DENND1B: variants seen among roughly 807,000 people sequenced by gnomAD.
The protein encoded by DENND1B is DENN domain-containing protein 1B.
DENND1B carries 59 observed loss-of-function variants against 90.1 expected under a neutral mutation model. The observed-to-expected ratio is 0.65, with a 90% CI of 0.53 to 0.81. The LOEUF (loss-of-function observed/expected upper bound fraction) is 0.81. Ranked by LOEUF, DENND1B falls within the 40% of genes least tolerant of loss-of-function variation. DENND1B has a pLI of 0.00. For missense variants in DENND1B, 862 were observed against 912.6 expected (o/e 0.94, Z 0.71); for synonymous variants, 337 against 324.6 (o/e 1.04, Z -0.41).
At chr1:197,761,606 C>G (rs1293570435) in intron 2 of DENND1B, among the ~76,000 whole-genome samples, 2 of 151,760 alleles carry the variant, frequency 1.3e-5, no homozygotes, top group African/African-American at 4.8e-5. Context: ...TTATAACTAC[C>G]CACGTGATAA....
chr1:197,556,175 G>T (rs1671699253), intron 15 of DENND1B, among the ~76,000 whole-genome samples: 1 of 152,006 alleles, frequency 6.6e-6, no homozygotes, highest in Non-Finnish European at 1.5e-5. Context: ...ACAAAGATGG[G>T]AACTATAAAC....
chr1:197,703,597 C>T (rs1416627009), intron 3 of DENND1B, among the ~76,000 whole-genome samples: 2 of 152,126 alleles, frequency 1.3e-5, no homozygotes, highest in Non-Finnish European at 2.9e-5. Flanking sequence ...TGGTCTTGAA[C>T]ATGAGCACAC....
At chr1:197,656,925 T>G (rs901545138) in intron 6 of DENND1B, among the ~76,000 whole-genome samples, 2 of 152,090 alleles carry the variant, frequency 1.3e-5, no homozygotes, top group Non-Finnish European at 2.9e-5. Context: ...AAGAAAAGCA[T>G]AAAGACTTTT....
intron 10 of DENND1B, among the ~76,000 whole-genome samples, chr1:197,628,555 C>T (rs1031184591): frequency 1.3e-5 from 2 of 152,100 alleles, no homozygotes; most frequent in African/African-American, 4.8e-5. Context: ...AAACGTTAGA[C>T]CTAAAACCAT....
intron 2 of DENND1B, among the ~76,000 whole-genome samples, chr1:197,739,083 C>CTG (rs1232648383): frequency 6.6e-6 from 1 of 152,174 alleles, no homozygotes; most frequent in Admixed American, 6.5e-5. Context: ...TATGAGGAAA[C>CTG]TACCAGACAC....
At chr1:197,652,370 A>C (rs1475237279) in intron 6 of DENND1B, 55 bp from the exon 7 acceptor site, 25 of 1,345,946 alleles carry the variant, frequency 1.9e-5, no homozygotes, top group Non-Finnish European at 2.5e-5. Context: ...AAGCAACTGC[A>C]ATTAAAACTA....
At chr1:197,596,513 T>TTTCCAA (rs2125811766) in intron 13 of DENND1B, among the ~76,000 whole-genome samples, 2 of 152,144 alleles carry the variant, frequency 1.3e-5, no homozygotes, top group Middle Eastern at 3.4e-3. Flanking sequence ...TTGGAAAGAA[T>TTTCCAA]GCTCACTTAA....
At chr1:197,678,153 G>A (rs144503127) in intron 3 of DENND1B, among the ~76,000 whole-genome samples, 1 of 152,138 alleles carries the variant, frequency 6.6e-6, no homozygotes, top group East Asian at 1.9e-4. Flanking sequence ...ACTAGTTAGA[G>A]TAAAAGTCAG....
chr1:197,650,490 A>G (rs1263848864), intron 7 of DENND1B, among the ~76,000 whole-genome samples: 1 of 152,216 alleles, frequency 6.6e-6, no homozygotes, highest in Non-Finnish European at 1.5e-5. Flanking sequence ...TAGAACTACC[A>G]TCTGATCTAG....
At chr1:197,542,574 G>T (rs1670414671) in intron 18 of DENND1B, among the ~76,000 whole-genome samples, 1 of 152,072 alleles carries the variant, frequency 6.6e-6, no homozygotes, top group African/African-American at 2.4e-5. Context: ...TGAGATAGAG[G>T]TAAAAACATG....
chr1:197,600,259 A>G (rs1236891412), intron 13 of DENND1B, among the ~76,000 whole-genome samples: 1 of 151,892 alleles, frequency 6.6e-6, no homozygotes, highest in African/African-American at 2.4e-5. Flanking sequence ...AAGTCCACCA[A>G]CATCTATTCT....
intron 1 of DENND1B, among the ~76,000 whole-genome samples, chr1:197,773,208 T>C (rs552261589): frequency 7.1e-4 from 108 of 152,334 alleles, no homozygotes; most frequent in Non-Finnish European, 1.1e-3. Flanking sequence ...CACAGAATAA[T>C]AGTGAGGATT....
chr1:197,571,362 G>C (rs1673137250), intron 15 of DENND1B, among the ~76,000 whole-genome samples: 1 of 152,118 alleles, frequency 6.6e-6, no homozygotes, highest in South Asian at 2.1e-4. Context: ...ACCTCATTTA[G>C]TACAACTCTT....
At chr1:197,586,413 GGTAA>G (rs1315977395) in intron 14 of DENND1B, among the ~76,000 whole-genome samples, 3 of 151,786 alleles carry the variant, frequency 2.0e-5, no homozygotes, top group African/African-American at 4.8e-5. Context: ...TTTCTAATAT[GGTAA>G]GTATTTATAC....
chr1:197,774,087 T>C (rs1006255572), intron 1 of DENND1B, among the ~76,000 whole-genome samples: 2 of 152,242 alleles, frequency 1.3e-5, no homozygotes, highest in African/African-American at 4.8e-5. Context: ...TCAATGGGAA[T>C]AATCTGGGCT....
chr1:197,572,078 C>A lies in DENND1B; in HGVS notation c.1149+11074G>T, dbSNP rs1401289294. Among the ~76,000 whole-genome samples the A allele has an allele frequency of 2.0e-5, 3 of 152,220 alleles. No homozygotes were observed. In the East Asian group the frequency reaches 5.8e-4, roughly 30 times the overall value. On this transcript the variant is annotated intron_variant, in intron 15 of 22. Coordinates refer to ENST00000620048, the MANE Select transcript of DENND1B (RefSeq NM_001195215.2). ...ATTGGGACTGGTTGGGCAGTGGGTA[C>A]AGCCCACAGAGGGCAAGCCAAAGCA...
At chr1:197,631,032 A>G (rs1679278997) in intron 10 of DENND1B, among the ~76,000 whole-genome samples, 1 of 152,100 alleles carries the variant, frequency 6.6e-6, no homozygotes, top group South Asian at 2.1e-4. Flanking sequence ...CCCTATCACT[A>G]AATTTACTCC....
At chr1:197,780,052 A>T (rs1657388973), upstream of DENND1B, among the ~76,000 whole-genome samples, 1 of 152,164 alleles carries the variant, frequency 6.6e-6, no homozygotes, top group Non-Finnish European at 1.5e-5. Flanking sequence ...ATAAACACTA[A>T]ATTCTCAGCT....
chr1:197,688,437 T>A (rs2126012636), intron 3 of DENND1B, among the ~76,000 whole-genome samples: 1 of 152,156 alleles, frequency 6.6e-6, no homozygotes, highest in South Asian at 2.1e-4. Context: ...AAAGCTACAG[T>A]AATTAAAACA....
Sources: allele counts gnomAD v4.1 joint callset (sites outside exome capture counted in the v4.1 genomes callset), GRCh38; gene constraint gnomAD v4.1.1; transcripts MANE v1.5; gene names NCBI Gene and HGNC (gene_info 2026-07-23, HGNC 2026-07-21).